Variants in KIF16B observed in about 807,000 individuals in gnomAD.
KIF16B encodes kinesin-like protein KIF16B.
A neutral mutation model predicts 156.3 loss-of-function variants in KIF16B; 98 were observed. The ratio of observed to expected loss-of-function variants is 0.63; its 90% CI spans 0.53 to 0.74. The LOEUF (loss-of-function observed/expected upper bound fraction) is 0.74, where lower values mean the gene tolerates loss of function less well. Ranked by LOEUF, KIF16B falls within the 30% of genes least tolerant of loss-of-function variation. The probability of loss-of-function intolerance (pLI) is 0.00; values close to 1 mark genes in which losing one functional copy is unlikely to be tolerated. For missense variants in KIF16B, 1,421 were observed against 1,606.5 expected (o/e 0.88, Z 1.97); for synonymous variants, 564 against 583.7 (o/e 0.97, Z 0.49).
chr20:16,480,913 A>C (rs1285278661), intron 12 of KIF16B, among the ~76,000 whole-genome samples: 1 of 152,186 alleles, frequency 6.6e-6, no homozygotes, highest in East Asian at 1.9e-4. Flanking sequence ...AAATGCTTGT[A>C]TGAGTGTACA....
At chr20:16,408,004 T>C (rs1288867252) in intron 15 of KIF16B, among the ~76,000 whole-genome samples, 1 of 152,124 alleles carries the variant, frequency 6.6e-6, no homozygotes, top group East Asian at 1.9e-4. Context: ...TGACCTCTGG[T>C]TGACCACAGT....
At chr20:16,547,804 C>T (rs935221202) in intron 1 of KIF16B, among the ~76,000 whole-genome samples, 1 of 152,190 alleles carries the variant, frequency 6.6e-6, no homozygotes, top group African/African-American at 2.4e-5. Flanking sequence ...GCACGCTGAC[C>T]ATGGTCCACG....
intron 18 of KIF16B, among the ~76,000 whole-genome samples, chr20:16,380,988 C>G (rs1391635128): frequency 1.3e-5 from 2 of 152,208 alleles, no homozygotes. Flanking sequence ...GACATTTAAA[C>G]TCCAGGTCCT....
At chr20:16,381,285 G>A (rs1484715534) in intron 18 of KIF16B, among the ~76,000 whole-genome samples, 1 of 152,104 alleles carries the variant, frequency 6.6e-6, no homozygotes, top group Non-Finnish European at 1.5e-5. Flanking sequence ...ACAATATCAG[G>A]AAAGATGTTT....
At chr20:16,462,199 C>T (rs1176489118) in intron 12 of KIF16B, among the ~76,000 whole-genome samples, 2 of 152,022 alleles carry the variant, frequency 1.3e-5, no homozygotes, top group Non-Finnish European at 2.9e-5. Flanking sequence ...CAAGATTGTG[C>T]CATTGCACTC....
intron 24 of KIF16B, among the ~76,000 whole-genome samples, chr20:16,334,936 C>T (rs2064009505): frequency 6.6e-6 from 1 of 152,188 alleles, no homozygotes; most frequent in Non-Finnish European, 1.5e-5. Context: ...CAGCTTAATT[C>T]TACCTGAGCT....
intron 15 of KIF16B, among the ~76,000 whole-genome samples, chr20:16,419,094 T>A (rs992957943): frequency 4.6e-5 from 7 of 152,158 alleles, no homozygotes; most frequent in African/African-American, 1.7e-4. Flanking sequence ...GGAATTTGCA[T>A]ATCTAACAAG....
At position 16,347,950 on chromosome 20, in the gene KIF16B, T is replaced by C. The variant is rs76535951; in HGVS notation, c.3621+8380A>G. On this transcript the variant is annotated intron_variant, in intron 23 of 25. Coordinates refer to ENST00000354981, the MANE Select transcript of KIF16B (RefSeq NM_024704.5). ...AGACTGGAATGGCTCTTATTTCTGT[T>C]CTGCCAAATAAAGAGAAATTTCTTG... Among the ~76,000 whole-genome samples, 1,101 of 152,364 alleles carry C rather than the reference T, an allele frequency of 7.2e-3. 11 individuals are homozygous for C. Among genetic ancestry groups the C allele is most frequent in the African/African-American group, 0.023 (960 of 41,588 alleles).
chr20:16,302,819 T>C (rs1460800125), intron 25 of KIF16B, among the ~76,000 whole-genome samples: 1 of 152,248 alleles, frequency 6.6e-6, no homozygotes, highest in Admixed American at 6.5e-5. Flanking sequence ...TGCTGGTATA[T>C]AGAATAGCTA....
chr20:16,293,924 G>C (rs542942287), intron 25 of KIF16B, among the ~76,000 whole-genome samples: 5 of 151,916 alleles, frequency 3.3e-5, no homozygotes, highest in East Asian at 1.9e-4. Flanking sequence ...GAGGGGCTGC[G>C]GGGGGTGCAT....
intron 25 of KIF16B, among the ~76,000 whole-genome samples, chr20:16,274,365 A>C (rs2122233167): frequency 6.6e-6 from 1 of 152,310 alleles, no homozygotes; most frequent in East Asian, 1.9e-4. Context: ...GAGAAAGCAA[A>C]GCATATGTGA....
intron 14 of KIF16B, among the ~76,000 whole-genome samples, chr20:16,427,934 GC>G (rs943703214): frequency 6.6e-6 from 1 of 152,134 alleles, no homozygotes; most frequent in African/African-American, 2.4e-5. Context: ...ACAGTTCTTG[GC>G]TAGCGTCTTG....
At chr20:16,416,863 G>C (rs765638376) in intron 15 of KIF16B, among the ~76,000 whole-genome samples, 1 of 152,074 alleles carries the variant, frequency 6.6e-6, no homozygotes, top group Non-Finnish European at 1.5e-5. Flanking sequence ...AAGTGGACAA[G>C]TGCAAAAGAG....
At chr20:16,409,408 G>C (rs959710354) in intron 15 of KIF16B, among the ~76,000 whole-genome samples, 2 of 152,024 alleles carry the variant, frequency 1.3e-5, no homozygotes, top group Non-Finnish European at 2.9e-5. Flanking sequence ...AAATGTTTCA[G>C]GATGTAAAGG....
intron 24 of KIF16B, among the ~76,000 whole-genome samples, chr20:16,324,119 G>A (rs933962659): frequency 6.6e-6 from 1 of 151,984 alleles, no homozygotes; most frequent in East Asian, 1.9e-4. Flanking sequence ...TAACTAAAGT[G>A]TATTTTCCAT....
intron 12 of KIF16B, among the ~76,000 whole-genome samples, chr20:16,478,587 C>A (rs1240634376): frequency 6.6e-6 from 1 of 152,170 alleles, no homozygotes; most frequent in East Asian, 1.9e-4. Context: ...GCCCAGGACA[C>A]AAATCACCCT....
Position 16,409,982 on chromosome 20 carries a change from T to TATATATATATGTAGGTAC in KIF16B, c.1613-3544_1613-3527dup. ...ATATATATATATACATATATATATATATATATATATGTAGGTACATATATA... is the reference window on the plus strand; with the variant it reads ...ATATATATATATACATATATATATATATATATATATGTAGGTACATATATATATGTAGGTACATATATA... On this transcript the variant is annotated intron_variant, in intron 15 of 25. Coordinates refer to ENST00000354981, the MANE Select transcript of KIF16B (RefSeq NM_024704.5). Among the ~76,000 whole-genome samples, 101 of 55,526 alleles carry TATATATATATGTAGGTAC rather than the reference T, an allele frequency of 1.8e-3. 1 individual carries two copies. The highest frequency in any genetic ancestry group is 0.011 in the Middle Eastern group (1 of 94). The allele number at this position is 55,526 out of a possible 152,430, so 36.4% of individuals were successfully genotyped here.
At position 16,367,461 on chromosome 20, in the gene KIF16B, T is replaced by C. The variant is rs768367059; in HGVS notation, c.3498+3125A>G. The C allele has an allele frequency of 4.3e-6, 7 of 1,612,724 alleles. No individual in the cohort carries two copies. In the East Asian group the frequency reaches 1.1e-4, roughly 26 times the overall value. On this transcript the variant is annotated intron_variant, in intron 22 of 25. Transcript: ENST00000354981. The stretch of plus-strand genomic sequence containing the variant: ...CACCCGGAGGAGGTATGTTTCGAGA[T>C]CGAATGCGTGGATAAAAAACACAGT...
intron 24 of KIF16B, among the ~76,000 whole-genome samples, chr20:16,330,118 T>A (rs1451323852): frequency 6.6e-6 from 1 of 152,238 alleles, no homozygotes; most frequent in Non-Finnish European, 1.5e-5. Flanking sequence ...TGTCTTCTTG[T>A]CTGCTCAATT....
Sources: gnomAD v4.1 joint callset for allele counts (sites outside exome capture counted in the v4.1 genomes callset) on GRCh38, gnomAD v4.1.1 for gene constraint, MANE v1.5 for transcripts, NCBI Gene and HGNC (gene_info 2026-07-23, HGNC 2026-07-21) for gene names.